Variants in SLC7A14 observed in about 807,000 individuals in gnomAD.
SLC7A14 encodes gamma-aminobutyric acid transporter SLC7A14.
SLC7A14 carries 37 observed loss-of-function variants against 60.2 expected under a neutral mutation model. That is an observed-to-expected ratio of 0.61 (90% confidence interval 0.47 to 0.81). The LOEUF is 0.81. SLC7A14 is among the 30% of genes least tolerant of loss of function. SLC7A14 has a pLI of 0.00. For synonymous variants in SLC7A14, 399 were observed against 395.8 expected, an observed-to-expected ratio of 1.01 and a Z score of -0.10; for missense variants, 886 against 982.7, an observed-to-expected ratio of 0.90 and a Z score of 1.32.
At chr3:170,568,800 G>C (rs1234464143) in intron 1 of SLC7A14, among the ~76,000 whole-genome samples, 1 of 152,082 alleles carries the variant, frequency 6.6e-6, no homozygotes, top group African/African-American at 2.4e-5. Flanking sequence ...CTCATGATTT[G>C]GCTCTCTGTT....
In SLC7A14 at chr3:170,495,709, A is replaced by G. The variant is rs1560257640; in HGVS notation, c.759+2958T>C. 4.6e-6 allele frequency: 5 copies of G among 1,089,636 alleles called. No homozygotes were observed. In the African/African-American group the frequency reaches 4.6e-5, roughly 10 times the overall value. 67.5% of individuals were successfully genotyped at this position (1,089,636 alleles called of 1,614,324 possible). A position where few individuals can be genotyped will look rare whatever the true frequency, so the allele number is the denominator to read the frequency against. On this transcript the variant is annotated intron_variant, in intron 4 of 7. Coordinates refer to ENST00000231706, the MANE Select transcript of SLC7A14 (RefSeq NM_020949.3). ...CCCAATATCCAGGCCATGCACACCCAGGAGAAGGAGCAGATCAAGACCCTC... is the reference window on the plus strand; with the variant it reads ...CCCAATATCCAGGCCATGCACACCCGGGAGAAGGAGCAGATCAAGACCCTC...
chr3:170,498,879 C>T lies in SLC7A14; in HGVS notation c.547G>A (p.Gly183Ser), dbSNP rs1712502931. Residue 183 changes from glycine (G) to serine (S), a missense_variant, in exon 4 of 8, where the codon GGT becomes AGT. By Grantham distance (56) the Gly-to-Ser change is moderately conservative. Transcript: ENST00000231706. ...SVGTLNGLGK[G>S]EESYPDLLAL... ...AGAAGGTCTGGGTATGATTCTTCACCTTTCCCTAGAGAGGAAAGACATGAT... is the reference window on the plus strand; with the variant it reads ...AGAAGGTCTGGGTATGATTCTTCACTTTTCCCTAGAGAGGAAAGACATGAT... The T allele has an allele frequency of 3.7e-6, 6 of 1,614,066 alleles. No individual in the cohort carries two copies. The highest frequency in any genetic ancestry group is 5.1e-6 in the Non-Finnish European group (6 of 1,179,980).
chr3:170,477,196 T>C (rs1711647846), intron 7 of SLC7A14, among the ~76,000 whole-genome samples: 1 of 152,258 alleles, frequency 6.6e-6, no homozygotes, highest in East Asian at 1.9e-4. Context: ...TACTGAGTTT[T>C]AGTAATAGCT....
chr3:170,474,420 T>C (rs778794104), intron 7 of SLC7A14, among the ~76,000 whole-genome samples: 23 of 152,304 alleles, frequency 1.5e-4, no homozygotes, highest in Non-Finnish European at 2.2e-4. Context: ...AGCCTCACGA[T>C]TGCATGATCC....
rs1251592388 is a variant in SLC7A14 at position 170,532,686 on chromosome 3, T to C, written c.-152-5598A>G. Among the ~76,000 whole-genome samples, 4 of 149,572 alleles carry C rather than the reference T, an allele frequency of 2.7e-5. No homozygotes were observed. The highest frequency in any genetic ancestry group is 4.5e-5 in the Non-Finnish European group (3 of 67,144). On this transcript the variant is annotated intron_variant, in intron 1 of 7. Transcript: ENST00000231706. This position sits in a 1 kb window ranked among gnomAD's most constrained non-coding sequence, Gnocchi z 4.0. The stretch of plus-strand genomic sequence containing the variant: ...CTGACCAGGTGTTTTTTTTTTTTTG[T>C]TGTTGTTGTTCCCTGCTACTGACAC...
intron 1 of SLC7A14, among the ~76,000 whole-genome samples, chr3:170,553,634 G>A (rs1299647278): frequency 3.9e-5 from 6 of 152,244 alleles, no homozygotes; most frequent in Non-Finnish European, 5.9e-5. Flanking sequence ...GTCCGGTGGA[G>A]GATGAGCTGA....
chr3:170,573,220 C>T (rs1406109424), intron 1 of SLC7A14, among the ~76,000 whole-genome samples: 1 of 152,024 alleles, frequency 6.6e-6, no homozygotes, highest in Admixed American at 6.6e-5. Context: ...GAGATGTGTC[C>T]CTTACAGAAA....
chr3:170,526,599 T>G, intron 2 of SLC7A14, 34 bp downstream of exon 2: 1 of 1,601,346 alleles, frequency 6.2e-7, no homozygotes, highest in South Asian at 1.1e-5. Flanking sequence ...GTAAGCACAC[T>G]TTCCACAGTA....
intron 1 of SLC7A14, among the ~76,000 whole-genome samples, chr3:170,572,113 A>G (rs1331275904): frequency 1.3e-5 from 2 of 151,998 alleles, no homozygotes; most frequent in Non-Finnish European, 2.9e-5. Context: ...AGACTTGTCC[A>G]AAGTCCCATA....
chr3:170,543,934 G>C (rs1020905679), intron 1 of SLC7A14, among the ~76,000 whole-genome samples: 1 of 151,582 alleles, frequency 6.6e-6, no homozygotes, highest in Non-Finnish European at 1.5e-5. Flanking sequence ...ATTTTTAGTA[G>C]AGACAGGGTT....
chr3:170,555,717 AG>A (rs2108307488), intron 1 of SLC7A14, among the ~76,000 whole-genome samples: 1 of 152,344 alleles, frequency 6.6e-6, no homozygotes, highest in African/African-American at 2.4e-5. Flanking sequence ...ATCTAAATGT[AG>A]AAAAGTTACA....
rs749127670 is a variant in SLC7A14, at chr3:170,467,232, C to T, written c.2139G>A (p.Glu713=). 3 of 1,614,278 alleles carry T rather than the reference C, an allele frequency of 1.9e-6. No individual in the cohort carries two copies. The highest frequency in any genetic ancestry group is 2.5e-6 in the Non-Finnish European group (3 of 1,180,050). ...SVEEGFSYAT[E]GESQEDWGGP... is the part of the protein sequence containing the mutation. ...CGCCCCAGTCCTCCTGGCTCTCGCCCTCTGTGGCGTAGGAGAAACCCTCCT... is the reference window on the plus strand; with the variant it reads ...CGCCCCAGTCCTCCTGGCTCTCGCCTTCTGTGGCGTAGGAGAAACCCTCCT... The change falls in exon 8 of 8, where the codon GAG becomes GAA. Residue 713 remains glutamate, a synonymous_variant. Coordinates refer to ENST00000231706, the MANE Select transcript of SLC7A14 (RefSeq NM_020949.3).
chr3:170,527,041 G>T lies in SLC7A14; in HGVS notation c.-105C>A. 7.7e-7 allele frequency: 1 copy of T among 1,296,908 alleles called. No individual in the cohort carries two copies. Among genetic ancestry groups the T allele is most frequent in the Non-Finnish European group, 1.0e-6 (1 of 958,518 alleles). 80.3% of individuals were successfully genotyped at this position (1,296,908 alleles called of 1,614,324 possible). Reference sequence around the variant, plus strand: ...CTAGTGAACAGGGATCTCCCTTTTAGGAAAGGCCCAGAGGGACCCAGTGCA... The same window carrying T: ...CTAGTGAACAGGGATCTCCCTTTTATGAAAGGCCCAGAGGGACCCAGTGCA... On this transcript the variant is annotated 5_prime_UTR_variant, in exon 2 of 8. Coordinates refer to ENST00000231706, the MANE Select transcript of SLC7A14 (RefSeq NM_020949.3).
chr3:170,486,439 C>A, intron 4 of SLC7A14, 71 bp from the exon 5 acceptor site: 1 of 1,597,080 alleles, frequency 6.3e-7, no homozygotes, highest in Non-Finnish European at 8.6e-7. Context: ...GTGGAAAGTG[C>A]AATTGCTCTA....
At position 170,464,794 on chromosome 3, in the gene SLC7A14, A is replaced by G. The variant is rs1026657022; in HGVS notation, c.*2261T>C. Reference sequence around the variant, plus strand: ...CAGGCTATTGTTACTTTAATACTTAAACCTCACTAGTAAAAGGAAGCTCTT... The same window carrying G: ...CAGGCTATTGTTACTTTAATACTTAGACCTCACTAGTAAAAGGAAGCTCTT... On this transcript the variant is annotated 3_prime_UTR_variant, in exon 8 of 8. Transcript: ENST00000231706. 3 of 152,178 alleles carry G rather than the reference A, an allele frequency of 2.0e-5. No homozygotes were observed. Among genetic ancestry groups the G allele is most frequent in the African/African-American group, 7.2e-5 (3 of 41,448 alleles). The allele number at this position is 152,178 out of a possible 1,614,324, so 9.4% of individuals were successfully genotyped here.
chr3:170,550,512 A>ATTTTTTTTTTTTTTTTTTTTTTTTTT lies in SLC7A14; in HGVS notation c.-152-23425_-152-23424insAAAAAAAAAAAAAAAAAAAAAAAAAA, dbSNP rs369436642. ...TAAACCTAATGCCATCTTTCCTTGA[A>ATTTTTTTTTTTTTTTTTTTTTTTTTT]TTTTTTTTTTTTTTTTTTTTTTTTT... On this transcript the variant is annotated intron_variant, in intron 1 of 7. Transcript: ENST00000231706. 4.0e-4 allele frequency among the ~76,000 whole-genome samples: 24 copies of ATTTTTTTTTTTTTTTTTTTTTTTTTT among 60,610 alleles called. 4 individuals carry two copies. Among genetic ancestry groups the ATTTTTTTTTTTTTTTTTTTTTTTTTT allele is most frequent in the African/African-American group, 1.8e-3 (21 of 11,470 alleles). The allele number at this position is 60,610 out of a possible 152,430, so 39.8% of individuals were successfully genotyped here.
At chr3:170,483,561 G>A in intron 5 of SLC7A14, 39 bp from the exon 6 acceptor site, 5 of 1,609,582 alleles carry the variant, frequency 3.1e-6, no homozygotes, top group Non-Finnish European at 4.3e-6. Flanking sequence ...AGGTACAGGG[G>A]AAGAACAGCA....
chr3:170,549,281 C>G (rs1027288649), intron 1 of SLC7A14, among the ~76,000 whole-genome samples: 2 of 143,950 alleles, frequency 1.4e-5, no homozygotes, highest in African/African-American at 5.3e-5. Context: ...GTGGCACGAT[C>G]TTGGCTCACT....
chr3:170,577,748 G>A (rs1474427867), intron 1 of SLC7A14, among the ~76,000 whole-genome samples: 1 of 151,428 alleles, frequency 6.6e-6, no homozygotes, highest in Non-Finnish European at 1.5e-5. Flanking sequence ...TAGAGCTAAA[G>A]AATAAACATG....
Sources: gnomAD v4.1 joint callset for allele counts (sites outside exome capture counted in the v4.1 genomes callset) on GRCh38, gnomAD v4.1.1 for gene constraint, Gnocchi (gnomAD v3.1) non-coding constraint, MANE v1.5 for transcripts, NCBI Gene and HGNC (gene_info 2026-07-23, HGNC 2026-07-21) for gene names.